The following ATP11C variants were observed in gnomAD, a reference collection of about 807,000 sequenced individuals.
ATP11C encodes phospholipid-transporting ATPase IG.
Under a neutral mutation model 97.4 loss-of-function variants are expected in ATP11C, and 36 were observed. The ratio of observed to expected loss-of-function variants is 0.37; its 90% CI spans 0.28 to 0.49. The LOEUF (loss-of-function observed/expected upper bound fraction) is 0.49. Among genes scored for constraint, ATP11C ranks in the 20% least tolerant of loss-of-function variants. ATP11C has a pLI of 0.98. For synonymous variants in ATP11C, 275 were observed against 290.9 expected (o/e 0.95, Z 0.56); for missense variants, 730 against 824.6 (o/e 0.89, Z 1.40).
intron 1 of ATP11C, among the ~76,000 whole-genome samples, chrX:139,844,611 A>T (rs2083883525): frequency 8.9e-6 from 1 of 112,107 alleles, no homozygotes; most frequent in South Asian, 3.7e-4. Flanking sequence ...GGCCTCAGAC[A>T]TTCACCTTCT....
At chrX:139,756,089 G>A (rs1239254613) in intron 23 of ATP11C, among the ~76,000 whole-genome samples, 1 of 112,171 alleles carries the variant, frequency 8.9e-6, no homozygotes, top group Non-Finnish European at 1.9e-5. Flanking sequence ...TGACAAATAT[G>A]TAATATCCAG....
intron 1 of ATP11C, among the ~76,000 whole-genome samples, chrX:139,830,022 G>C (rs1389847199): frequency 1.8e-5 from 2 of 111,736 alleles, no homozygotes; most frequent in Non-Finnish European, 3.8e-5. Flanking sequence ...GACCTGACTA[G>C]ATAAGAACTG....
intron 2 of ATP11C, among the ~76,000 whole-genome samples, chrX:139,823,570 T>C (rs1383569580): frequency 8.9e-6 from 1 of 112,208 alleles, no homozygotes; most frequent in Non-Finnish European, 1.9e-5. Context: ...GCATTAAAAA[T>C]GCAGATGAGG....
intron 1 of ATP11C, among the ~76,000 whole-genome samples, chrX:139,922,211 T>G (rs988221083): frequency 4.8e-5 from 4 of 83,004 alleles, no homozygotes; most frequent in Non-Finnish European, 9.3e-5. Flanking sequence ...TCTCTCTCTC[T>G]CTCCTTCTCT....
At position 139,798,272 on chromosome X, in the gene ATP11C, C is replaced by CT; in HGVS notation, c.857dup (p.Ser287IlefsTer3). On this transcript the variant is annotated frameshift_variant and splice_region_variant. Coordinates refer to ENST00000682941, the MANE Select transcript of ATP11C (RefSeq NM_001353812.2). LOFTEE classifies it high-confidence loss of function. Reference sequence around the variant, plus strand: ...CTAAATAAATTGTGGCGCATACTAACTTTTCAACAGCAGAACGTTTCTGAG... The same window carrying CT: ...CTAAATAAATTGTGGCGCATACTAACTTTTTCAACAGCAGAACGTTTCTGAG... 4 of 1,202,859 alleles carry CT rather than the reference C, an allele frequency of 3.3e-6. No homozygotes were observed. The highest frequency in any genetic ancestry group is 4.5e-6 in the Non-Finnish European group (4 of 891,230).
Position 139,848,166 on chromosome X carries a change from C to G in ATP11C, c.28-21343G>C, listed in dbSNP as rs541649666. ...GTTGTCATCACTATCAAACACCGGT[C>G]TCTGGTCACTTATTGCCCATTGGCT... On this transcript the variant is annotated intron_variant, in intron 1 of 29. Coordinates refer to ENST00000682941, the MANE Select transcript of ATP11C (RefSeq NM_001353812.2). 3.6e-5 allele frequency among the ~76,000 whole-genome samples: 4 copies of G among 111,726 alleles called. No individual in the cohort carries two copies. In the East Asian group the frequency reaches 1.1e-3, roughly 32 times the overall value.
At chrX:139,918,371 G>C (rs2085189687) in intron 1 of ATP11C, among the ~76,000 whole-genome samples, 1 of 111,953 alleles carries the variant, frequency 8.9e-6, no homozygotes, top group Admixed American at 9.5e-5. Flanking sequence ...CAGCACTTTG[G>C]GAGGCCGAGG....
At chrX:139,801,008 C>T (rs1382430443) in intron 7 of ATP11C, among the ~76,000 whole-genome samples, 2 of 111,968 alleles carry the variant, frequency 1.8e-5, no homozygotes, top group Non-Finnish European at 3.8e-5. Flanking sequence ...TAGGCAATTA[C>T]GACGCAAGTG....
At chrX:139,841,956 G>A (rs746403165) in intron 1 of ATP11C, among the ~76,000 whole-genome samples, 13 of 112,070 alleles carry the variant, frequency 1.2e-4, no homozygotes, top group Admixed American at 4.7e-4. Context: ...TCAAAGACAG[G>A]CCCATTGCTA....
At chrX:139,902,206 T>A (rs1185083059) in intron 1 of ATP11C, among the ~76,000 whole-genome samples, 3 of 111,284 alleles carry the variant, frequency 2.7e-5, no homozygotes, top group Non-Finnish European at 5.6e-5. Context: ...CTTCAAGTTG[T>A]CCCGCCTTTC....
At chrX:139,774,479 G>A (rs1184422843) in intron 19 of ATP11C, among the ~76,000 whole-genome samples, 1 of 112,077 alleles carries the variant, frequency 8.9e-6, no homozygotes, top group Admixed American at 9.5e-5. Flanking sequence ...GAAATGTGCA[G>A]TTTTCTCTTA....
intron 26 of ATP11C, among the ~76,000 whole-genome samples, chrX:139,743,188 C>T (rs1302153360): frequency 3.6e-5 from 4 of 110,097 alleles, no homozygotes; most frequent in African/African-American, 1.3e-4. Flanking sequence ...CACACACACA[C>T]ACACTCTCTC....
At chrX:139,825,960 G>T (rs928792681) in intron 2 of ATP11C, among the ~76,000 whole-genome samples, 1 of 112,409 alleles carries the variant, frequency 8.9e-6, no homozygotes, top group Non-Finnish European at 1.9e-5. Context: ...GGAGCTATAA[G>T]AAGTGGTTTC....
intron 1 of ATP11C, among the ~76,000 whole-genome samples, chrX:139,870,817 G>T (rs2084360428): frequency 8.9e-6 from 1 of 111,929 alleles, no homozygotes; most frequent in African/African-American, 3.2e-5. Context: ...AGCACTTTGG[G>T]AGGCCGAGGC....
chrX:139,857,932 A>G (rs1408671652), intron 1 of ATP11C, among the ~76,000 whole-genome samples: 1 of 112,492 alleles, frequency 8.9e-6, no homozygotes, highest in Non-Finnish European at 1.9e-5. Flanking sequence ...TGTGATTGCC[A>G]CTATGATGGT....
At chrX:139,759,837 C>T (rs965932312) in intron 22 of ATP11C, among the ~76,000 whole-genome samples, 3 of 112,022 alleles carry the variant, frequency 2.7e-5, no homozygotes, top group African/African-American at 6.5e-5. Context: ...GCCATTTTAA[C>T]GCTTGTTTTG....
At chrX:139,870,917 G>A (rs1440660108) in intron 1 of ATP11C, among the ~76,000 whole-genome samples, 1 of 108,531 alleles carries the variant, frequency 9.2e-6, no homozygotes, top group Admixed American at 9.8e-5. Context: ...TTAGCCGGGC[G>A]CGGTGGCGGG....
At chrX:139,783,308 G>T in intron 16 of ATP11C, 41 bp from the exon 17 acceptor site, 1 of 1,012,634 alleles carries the variant, frequency 9.9e-7, no homozygotes, top group Non-Finnish European at 1.4e-6. Flanking sequence ...GAATTTTAAG[G>T]CTGGTATTGT....
intron 1 of ATP11C, among the ~76,000 whole-genome samples, chrX:139,907,525 C>T (rs909855938): frequency 3.0e-4 from 33 of 110,638 alleles, no homozygotes; most frequent in African/African-American, 9.9e-4. Context: ...GAGCGGGGCA[C>T]ATCACGAGGT....
Sources: gnomAD v4.1 joint callset for allele counts (sites outside exome capture counted in the v4.1 genomes callset) on GRCh38, gnomAD v4.1.1 for gene constraint, MANE v1.5 for transcripts, NCBI Gene and HGNC (gene_info 2026-07-23, HGNC 2026-07-21) for gene names.